PRKAG2: variants seen among roughly 807,000 people sequenced by gnomAD.
PRKAG2 encodes protein kinase AMP-activated non-catalytic subunit gamma 2, also known as 5'-AMP-activated protein kinase subunit gamma-2.
A neutral mutation model predicts 69.6 loss-of-function variants in PRKAG2; 26 were observed. That is an observed-to-expected ratio of 0.37 (90% confidence interval 0.27 to 0.52). The LOEUF is 0.52. Among genes scored for constraint, PRKAG2 ranks in the 20% least tolerant of loss-of-function variants. PRKAG2 has a pLI of 0.90. For synonymous variants in PRKAG2, 293 were observed against 285.0 expected (o/e 1.03, Z -0.28); for missense variants, 557 against 740.0 (o/e 0.75, Z 2.87).
intron 5 of PRKAG2, among the ~76,000 whole-genome samples, chr7:151,626,105 A>G (rs1822835173): frequency 6.6e-6 from 1 of 152,192 alleles, no homozygotes; most frequent in Non-Finnish European, 1.5e-5. Flanking sequence ...CCCTAGAGCA[A>G]TGGCCAGAGG....
chr7:151,572,297 T>A, intron 9 of PRKAG2: 1 of 167,830 alleles, frequency 6.0e-6, no homozygotes, highest in Non-Finnish European at 1.3e-5. Context: ...AAGTTAGGCA[T>A]GCCTCTGATG....
intron 1 of PRKAG2, among the ~76,000 whole-genome samples, chr7:151,866,731 T>C (rs892342639): frequency 5.3e-5 from 8 of 152,130 alleles, no homozygotes; most frequent in African/African-American, 1.9e-4. Context: ...GCTGAGGTGG[T>C]GAGCAGGGTG....
intron 6 of PRKAG2, among the ~76,000 whole-genome samples, chr7:151,587,184 C>T (rs776813841): frequency 6.6e-6 from 1 of 152,184 alleles, no homozygotes; most frequent in African/African-American, 2.4e-5. Flanking sequence ...TATTTGGATA[C>T]TTGCTTGTTT....
chr7:151,589,812 G>A (rs1477927977), intron 6 of PRKAG2, among the ~76,000 whole-genome samples: 1 of 152,220 alleles, frequency 6.6e-6, no homozygotes, highest in Non-Finnish European at 1.5e-5. Flanking sequence ...GTGGGTGCCT[G>A]TAATCCCAGC....
intron 1 of PRKAG2, among the ~76,000 whole-genome samples, chr7:151,871,861 C>T (rs2080226410): frequency 1.3e-5 from 2 of 152,278 alleles, no homozygotes; most frequent in South Asian, 4.1e-4. Context: ...GGCTGAGGTC[C>T]CCAAAACGAC....
chr7:151,650,744 C>G (rs139188631), intron 4 of PRKAG2, among the ~76,000 whole-genome samples: 23 of 152,298 alleles, frequency 1.5e-4, no homozygotes, highest in African/African-American at 5.5e-4. Flanking sequence ...GTGACAACCT[C>G]CTACTCCAGG....
rs143754301 is a variant in PRKAG2 at position 151,777,192 on chromosome 7, C to T, written c.466+3960G>A. 1.1e-3 allele frequency among the ~76,000 whole-genome samples: 165 copies of T among 152,302 alleles called. 2 individuals carry two copies. In the East Asian group the frequency reaches 0.027, roughly 25 times the overall value. ...CCATGGCCAGGTTCAGCATGGGCCC[C>T]GAGGTCTAGCTCTTCACTGCGGCAG... On this transcript the variant is annotated intron_variant, in intron 3 of 15. Transcript: ENST00000287878. This position sits in a 1 kb window ranked among gnomAD's most constrained non-coding sequence, Gnocchi z 4.3.
intron 3 of PRKAG2, among the ~76,000 whole-genome samples, chr7:151,752,518 A>G (rs117482616): frequency 6.6e-6 from 1 of 152,330 alleles, no homozygotes; most frequent in East Asian, 1.9e-4. Context: ...CCCCCATGAC[A>G]CATCTTTATC....
At position 151,832,233 on chromosome 7, in the gene PRKAG2, A is replaced by AGG. The variant is rs1563737727; in HGVS notation, c.114+44273_114+44274insCC. ...AGGAAGAGGAGGGGAGGAGGGAAGG[A>AGG]GAGGAGGAGGGAAGGAAGGGAGGAG... On this transcript the variant is annotated intron_variant, in intron 1 of 15. Coordinates refer to ENST00000287878, the MANE Select transcript of PRKAG2 (RefSeq NM_016203.4). Among the ~76,000 whole-genome samples, 251 of 52,274 alleles carry AGG rather than the reference A, an allele frequency of 4.8e-3. 14 individuals carry two copies. In the Middle Eastern group the frequency reaches 0.071, roughly 15 times the overall value. The allele number at this position is 52,274 out of a possible 152,430, so 34.3% of individuals were successfully genotyped here.
At chr7:151,585,604 A>G (rs1811459227) in intron 6 of PRKAG2, among the ~76,000 whole-genome samples, 1 of 152,106 alleles carries the variant, frequency 6.6e-6, no homozygotes. Flanking sequence ...TTGATGCCAT[A>G]TCAAGTGATC....
At chr7:151,817,783 G>A (rs1265696532) in intron 1 of PRKAG2, among the ~76,000 whole-genome samples, 2 of 152,228 alleles carry the variant, frequency 1.3e-5, no homozygotes, top group Non-Finnish European at 2.9e-5. Context: ...GAGAAGTGGA[G>A]TCACAAAGGT....
At chr7:151,570,071 T>G (rs1387276077) in intron 10 of PRKAG2, 100 bp downstream of exon 10, 1 of 1,392,056 alleles carries the variant, frequency 7.2e-7, no homozygotes, top group Non-Finnish European at 9.9e-7. Flanking sequence ...AGGCCCTGTT[T>G]GGAATGAAGA....
chr7:151,826,793 C>T lies in PRKAG2; in HGVS notation c.115-40252G>A, dbSNP rs1008103427. Among the ~76,000 whole-genome samples the T allele has an allele frequency of 2.6e-5, 4 of 152,248 alleles. No homozygotes were observed. The South Asian group carries it at 6.2e-4, about 24-fold the overall frequency. On this transcript the variant is annotated intron_variant, in intron 1 of 15. Transcript: ENST00000287878. ...ATCAAACTTGTTTTTCACAAAATAC[C>T]ACTTTTGAGTTAAATAAAACACCAT... is the stretch of plus-strand genomic sequence containing the variant.
rs1180916094 is a variant in PRKAG2 at position 151,856,857 on chromosome 7, T to C, written c.114+19650A>G. On this transcript the variant is annotated intron_variant, in intron 1 of 15. Coordinates refer to ENST00000287878, the MANE Select transcript of PRKAG2 (RefSeq NM_016203.4). ...GAAACCCAGCTCTAAGGAAACAAGA[T>C]AAAGGAGGAGAAGATACAGGACAGC... Among the ~76,000 whole-genome samples the C allele has an allele frequency of 5.3e-5, 8 of 150,878 alleles. No individual in the cohort carries two copies. The South Asian group carries it at 1.7e-3, about 32-fold the overall frequency.
chr7:151,848,512 CTTTTTTTT>C (rs1158559692), intron 1 of PRKAG2, among the ~76,000 whole-genome samples: 31 of 62,250 alleles, frequency 5.0e-4, no homozygotes, highest in African/African-American at 2.1e-3. Flanking sequence ...TACTGCATGT[CTTTTTTTT>C]TTTTTTTTTT....
intron 4 of PRKAG2, among the ~76,000 whole-genome samples, chr7:151,661,937 G>A (rs1177924209): frequency 6.6e-6 from 1 of 152,172 alleles, no homozygotes; most frequent in Non-Finnish European, 1.5e-5. Context: ...TTATGAATTA[G>A]GGGACAGTCC....
chr7:151,687,840 C>G (rs73158159), intron 3 of PRKAG2, among the ~76,000 whole-genome samples: 3,559 of 152,334 alleles, frequency 0.023, 98 homozygotes, highest in Non-Finnish European at 0.029. Flanking sequence ...AAAAAGCACA[C>G]GGTCGCACCA....
intron 3 of PRKAG2, among the ~76,000 whole-genome samples, chr7:151,734,554 C>G (rs1259146182): frequency 2.0e-5 from 3 of 152,084 alleles, no homozygotes; most frequent in Non-Finnish European, 4.4e-5. Context: ...TGCGCTGACT[C>G]TGATTTGTTT....
rs912304170 is a variant in PRKAG2 at position 151,570,167 on chromosome 7, T to G, written c.1106+4A>C. 1.3e-6 allele frequency: 2 copies of G among 1,599,324 alleles called. No individual in the cohort carries two copies. The highest frequency in any genetic ancestry group is 1.3e-5 in the African/African-American group (1 of 74,738). On this transcript the variant is annotated splice_donor_region_variant and intron_variant, in intron 10 of 15. Coordinates refer to ENST00000287878, the MANE Select transcript of PRKAG2 (RefSeq NM_016203.4). ...GTTTTCAAAGAAAAAAAAAACAAGT[T>G]TACCTTGCATCTGGAGATATATTCA...
Sources: allele counts gnomAD v4.1 joint callset (sites outside exome capture counted in the v4.1 genomes callset), GRCh38; gene constraint gnomAD v4.1.1; non-coding constraint Gnocchi (gnomAD v3.1); transcripts MANE v1.5; gene names NCBI Gene and HGNC (gene_info 2026-07-23, HGNC 2026-07-21).